The following ABCA10 variants were observed in gnomAD, a reference collection of about 807,000 sequenced individuals.
ABCA10 encodes the protein ATP binding cassette subfamily A member 10.
ABCA10 carries 169 observed loss-of-function variants against 187.5 expected under a neutral mutation model. The ratio of observed to expected loss-of-function variants is 0.90; its 90% CI spans 0.80 to 1.02. The LOEUF (loss-of-function observed/expected upper bound fraction) is 1.02. Among genes scored for constraint, ABCA10 ranks in the 50% least tolerant of loss-of-function variants. The pLI, the probability that ABCA10 is intolerant of heterozygous loss-of-function variation, is 0.00. For missense variants in ABCA10, 1,727 were observed against 1,812.4 expected (o/e 0.95, Z 0.86); for synonymous variants, 574 against 601.8 (o/e 0.95, Z 0.68).
intron 22 of ABCA10, among the ~76,000 whole-genome samples, chr17:69,178,744 T>C (rs141023345): frequency 8.5e-4 from 129 of 152,332 alleles, no homozygotes; most frequent in African/African-American, 3.0e-3. Flanking sequence ...TCATTTTGTT[T>C]GGTTATGCAT....
At chr17:69,194,065 A>G in intron 12 of ABCA10, 76 bp from the exon 13 acceptor site, 3 of 1,378,674 alleles carry the variant, frequency 2.2e-6, no homozygotes, top group Non-Finnish European at 2.9e-6. Context: ...GTTAGTATTT[A>G]GATTTTGTTC....
chr17:69,243,776 T>C (rs1320209131), intron 1 of ABCA10, among the ~76,000 whole-genome samples: 1 of 152,146 alleles, frequency 6.6e-6, no homozygotes, highest in African/African-American at 2.4e-5. Flanking sequence ...TGCATGCCTG[T>C]AGTACCAGCT....
rs368372748 is a variant in ABCA10 at position 69,236,862 on chromosome 17, AC to A, written c.-593+7666del. On this transcript the variant is annotated intron_variant, in intron 1 of 39. Transcript: ENST00000269081. The stretch of plus-strand genomic sequence containing the variant: ...TTACAAATACCCTGTAACACACAGG[AC>A]AGTCTCTCACAACGAAAAATTATCC... 3.5e-3 allele frequency among the ~76,000 whole-genome samples: 531 copies of A among 152,212 alleles called. 4 individuals carry two copies. The highest frequency in any genetic ancestry group is 0.012 in the African/African-American group (509 of 41,516).
At chr17:69,182,044 G>T (rs1467238456) in intron 22 of ABCA10, 109 bp downstream of exon 22, 9 of 1,138,712 alleles carry the variant, frequency 7.9e-6, no homozygotes, top group Non-Finnish European at 1.0e-5. Flanking sequence ...TAAGAAACTT[G>T]CTGTTAAGTG....
intron 25 of ABCA10, among the ~76,000 whole-genome samples, chr17:69,170,993 T>C (rs2074293893): frequency 6.6e-6 from 1 of 152,180 alleles, no homozygotes; most frequent in Admixed American, 6.5e-5. Flanking sequence ...CATGATACTC[T>C]AAGTTGGCTT....
chr17:69,165,885 A>C (rs1219524039), intron 25 of ABCA10, among the ~76,000 whole-genome samples: 1 of 152,192 alleles, frequency 6.6e-6, no homozygotes, highest in Non-Finnish European at 1.5e-5. Context: ...TGTAGATATT[A>C]GTCTATTTTG....
Position 69,154,339 on chromosome 17 carries a change from G to C in ABCA10, c.3695-13C>G, listed in dbSNP as rs895899090. On this transcript the variant is annotated splice_polypyrimidine_tract_variant and intron_variant, in intron 30 of 38. Coordinates refer to ENST00000690296, the MANE Select transcript of ABCA10 (RefSeq NM_001377321.1). ...CCCAAAACTTCACCTGGAAGAAAGA[G>C]TCACCATCAATATTTGAATTTTCAA... The C allele has an allele frequency of 9.7e-6, 15 of 1,554,234 alleles. No homozygotes were observed. Among genetic ancestry groups the C allele is most frequent in the Non-Finnish European group, 1.2e-5 (14 of 1,151,188 alleles).
chr17:69,174,415 T>C lies in ABCA10; in HGVS notation c.3049-21A>G, dbSNP rs200566862. ...ACCACCTGCAAATAATGAGGATCAA[T>C]GGCAAGATTAGAAATGGCAGGTCAT... On this transcript the variant is annotated intron_variant, in intron 24 of 38. Transcript: ENST00000690296. 2,782 of 1,552,098 alleles carry C rather than the reference T, an allele frequency of 1.8e-3. 6 individuals are homozygous for C. Among genetic ancestry groups the C allele is most frequent in the Non-Finnish European group, 2.0e-3 (2,290 of 1,142,738 alleles).
chr17:69,216,832 A>G (rs2074709737), intron 6 of ABCA10, among the ~76,000 whole-genome samples: 1 of 152,164 alleles, frequency 6.6e-6, no homozygotes, highest in Non-Finnish European at 1.5e-5. Flanking sequence ...AATCTTTCCA[A>G]TTTAAGTAAA....
intron 15 of ABCA10, among the ~76,000 whole-genome samples, chr17:69,192,889 C>T (rs2074471550): frequency 6.6e-6 from 1 of 152,178 alleles, no homozygotes. Context: ...CCAAGGATGG[C>T]CTGATTCTTC....
At chr17:69,243,541 T>C (rs1044344842) in intron 1 of ABCA10, among the ~76,000 whole-genome samples, 7 of 152,226 alleles carry the variant, frequency 4.6e-5, no homozygotes. Flanking sequence ...CACATTACTA[T>C]ATTTATGCAA....
At chr17:69,211,324 TATATATATATATATATATATA>T (rs1398577002) in intron 9 of ABCA10, among the ~76,000 whole-genome samples, 1 of 12,170 alleles carries the variant, frequency 8.2e-5, no homozygotes, top group African/African-American at 4.2e-4. Flanking sequence ...GATATATATA[TATATATATATATATATATATA>T]TATATATATA....
In ABCA10 at chr17:69,214,910, T is replaced by C. The variant is rs1241181391; in HGVS notation, c.859-59A>G. On this transcript the variant is annotated intron_variant, in intron 8 of 38. Transcript: ENST00000690296. ...GAACTTATAAAACTAAATAAAACAATTTTTTTTAAAAAATAGTGGTACCTA... is the reference window on the plus strand; with the variant it reads ...GAACTTATAAAACTAAATAAAACAACTTTTTTTAAAAAATAGTGGTACCTA... 8.6e-6 allele frequency: 11 copies of C among 1,285,558 alleles called. No homozygotes were observed. In the South Asian group the frequency reaches 1.5e-4, roughly 17 times the overall value. The allele number at this position is 1,285,558 out of a possible 1,614,324, so 79.6% of individuals were successfully genotyped here. A position where few individuals can be genotyped will look rare whatever the true frequency, so the allele number is the denominator to read the frequency against.
chr17:69,186,292 T>C (rs531170780), intron 19 of ABCA10, among the ~76,000 whole-genome samples: 21 of 151,868 alleles, frequency 1.4e-4, no homozygotes, highest in African/African-American at 4.3e-4. Flanking sequence ...AAAAAAAAAA[T>C]GGAGTCTATA....
At chr17:69,215,493 C>A in intron 8 of ABCA10, 1 of 195,136 alleles carries the variant, frequency 5.1e-6, no homozygotes, top group Non-Finnish European at 1.0e-5. Flanking sequence ...GACCCTTATC[C>A]ATGCCATCTG....
chr17:69,219,276 T>C (rs748175157), intron 6 of ABCA10, among the ~76,000 whole-genome samples: 1 of 152,146 alleles, frequency 6.6e-6, no homozygotes, highest in Non-Finnish European at 1.5e-5. Context: ...AATAAATAAT[T>C]GCTGCTTGAG....
chr17:69,201,843 G>A (rs962987604), intron 9 of ABCA10, among the ~76,000 whole-genome samples, 175 bp from the exon 10 acceptor site: 1 of 152,048 alleles, frequency 6.6e-6, no homozygotes, highest in African/African-American at 2.4e-5. Context: ...GGAGTGCAAT[G>A]GCACGATCCT....
intron 27 of ABCA10, among the ~76,000 whole-genome samples, chr17:69,157,857 G>A (rs546672733): frequency 1.3e-5 from 2 of 151,858 alleles, no homozygotes; most frequent in African/African-American, 4.8e-5. Context: ...ATGTGAAAGG[G>A]AAATATAAAT....
intron 25 of ABCA10, among the ~76,000 whole-genome samples, chr17:69,170,516 A>G (rs1294347920): frequency 2.0e-5 from 3 of 151,708 alleles, no homozygotes; most frequent in African/African-American, 4.8e-5. Context: ...AATGCCTTGT[A>G]AGGAGTAATT....
Sources: gnomAD v4.1 joint callset for allele counts (sites outside exome capture counted in the v4.1 genomes callset) on GRCh38, gnomAD v4.1.1 for gene constraint, MANE v1.5 for transcripts, NCBI Gene and HGNC (gene_info 2026-07-23, HGNC 2026-07-21) for gene names.